The following ANO4 variants were observed in gnomAD, a reference collection of about 807,000 sequenced individuals.
ANO4 encodes the protein anoctamin 4.
ANO4 carries 69 observed loss-of-function variants against 141.9 expected under a neutral mutation model. The observed-to-expected ratio is 0.49, with a 90% CI of 0.40 to 0.59. The LOEUF is 0.59. Ranked by LOEUF, ANO4 falls within the 20% of genes least tolerant of loss-of-function variation. The pLI is 0.00. For missense variants in ANO4, 894 were observed against 1,162.2 expected (o/e 0.77, Z 3.36); for synonymous variants, 350 against 394.3 (o/e 0.89, Z 1.33).
At chr12:100,939,552 G>T (rs762160234) in intron 4 of ANO4, 101 bp downstream of exon 4, 21 of 1,262,952 alleles carry the variant, frequency 1.7e-5, no homozygotes, top group Non-Finnish European at 2.0e-5. Context: ...TCATTGAACT[G>T]TAGGCTCTTG....
At chr12:100,969,946 A>G (rs2043845354) in intron 5 of ANO4, among the ~76,000 whole-genome samples, 1 of 152,180 alleles carries the variant, frequency 6.6e-6, no homozygotes, top group African/African-American at 2.4e-5. Context: ...CCAAAGAGAA[A>G]TCTCCTAATT....
At chr12:100,935,994 G>A (rs1478823422) in intron 3 of ANO4, among the ~76,000 whole-genome samples, 1 of 152,068 alleles carries the variant, frequency 6.6e-6, no homozygotes, top group Non-Finnish European at 1.5e-5. Context: ...TACTGACCAC[G>A]GGTTCAGCTG....
In ANO4 at chr12:100,744,190, G is replaced by A. The variant is rs113313318; in HGVS notation, c.358+4085G>A. 6.1e-3 allele frequency among the ~76,000 whole-genome samples: 928 copies of A among 152,226 alleles called. 14 individuals carry two copies. Among genetic ancestry groups the A allele is most frequent in the African/African-American group, 0.021 (871 of 41,524 alleles). On this transcript the variant is annotated intron_variant, in intron 3 of 29. Coordinates refer to the ANO4 transcript ENST00000644049. ...CATACTATCAAAACTTATATATCCC[G>A]AATGGAACTTCCTTCTGGTAGCTCT... is the stretch of plus-strand genomic sequence containing the variant.
At chr12:100,794,753 A>G (rs1400507334), upstream of ANO4, 2 of 152,148 alleles carry the variant, frequency 1.3e-5, no homozygotes, top group East Asian at 1.9e-4. Flanking sequence ...ATGCTCTGAG[A>G]CGGTGGTGAA....
chr12:100,951,233 C>T (rs1001482519), intron 5 of ANO4, among the ~76,000 whole-genome samples: 5 of 152,142 alleles, frequency 3.3e-5, no homozygotes, highest in Non-Finnish European at 7.3e-5. Flanking sequence ...TTAGACACTG[C>T]TGGTGGGAGT....
At chr12:100,904,794 A>G (rs772672413) in intron 2 of ANO4, among the ~76,000 whole-genome samples, 1 of 152,184 alleles carries the variant, frequency 6.6e-6, no homozygotes, top group Admixed American at 6.5e-5. Context: ...AATATAGACT[A>G]TGGGGAGAAT....
intron 5 of ANO4, among the ~76,000 whole-genome samples, chr12:100,953,264 C>T (rs1399401614): frequency 1.3e-5 from 2 of 152,128 alleles, no homozygotes; most frequent in Non-Finnish European, 2.9e-5. Context: ...ATGAATATGA[C>T]ACTAATTATT....
chr12:100,729,392 G>GAAAAAAA (rs2031289316), intron 1 of ANO4, among the ~76,000 whole-genome samples: 2 of 65,210 alleles, frequency 3.1e-5, no homozygotes, highest in Non-Finnish European at 7.3e-5. Context: ...AAAAAAAAAG[G>GAAAAAAA]TAACACTAAT....
intron 1 of ANO4, among the ~76,000 whole-genome samples, chr12:100,808,320 CT>C (rs1051338114): frequency 4.3e-4 from 66 of 152,206 alleles, no homozygotes; most frequent in African/African-American, 1.5e-3. Flanking sequence ...TGATGTCAAG[CT>C]TTTTTTCATA....
chr12:101,029,839 G>C (rs1293464439), intron 9 of ANO4, among the ~76,000 whole-genome samples: 3 of 140,924 alleles, frequency 2.1e-5, no homozygotes, highest in African/African-American at 2.7e-5. Flanking sequence ...GAGCCCGGGA[G>C]ACAGAGATTG....
At chr12:101,086,153 T>C (rs1427639569) in intron 16 of ANO4, among the ~76,000 whole-genome samples, 1 of 145,316 alleles carries the variant, frequency 6.9e-6, no homozygotes, top group Non-Finnish European at 1.5e-5. Flanking sequence ...GGGTAGGTAT[T>C]ACAGGCAAAG....
At chr12:100,771,505 C>T (rs1206111157) in intron 3 of ANO4, among the ~76,000 whole-genome samples, 1 of 152,176 alleles carries the variant, frequency 6.6e-6, no homozygotes, top group African/African-American at 2.4e-5. Context: ...CATTTTCCCC[C>T]ATGGACTGGT....
intron 5 of ANO4, among the ~76,000 whole-genome samples, chr12:100,953,262 G>C (rs1387451902): frequency 2.6e-5 from 4 of 152,186 alleles, no homozygotes; most frequent in Non-Finnish European, 5.9e-5. Context: ...TCATGAATAT[G>C]ACACTAATTA....
chr12:100,957,337 G>A (rs1159532946), intron 5 of ANO4, among the ~76,000 whole-genome samples: 2 of 152,168 alleles, frequency 1.3e-5, no homozygotes, highest in South Asian at 2.1e-4. Context: ...AGGAACAGGT[G>A]CAGTCTCACC....
At chr12:101,060,690 A>G (rs542748452) in intron 14 of ANO4, among the ~76,000 whole-genome samples, 30 of 152,078 alleles carry the variant, frequency 2.0e-4, no homozygotes, top group African/African-American at 3.1e-4. Context: ...ATCAGAGACT[A>G]TGATTGCAAT....
chr12:100,977,542 C>T (rs1024591743), intron 7 of ANO4, among the ~76,000 whole-genome samples: 11 of 152,096 alleles, frequency 7.2e-5, no homozygotes, highest in Admixed American at 3.3e-4. Flanking sequence ...TAAAAAAAAC[C>T]TAAGGGTCAT....
intron 3 of ANO4, among the ~76,000 whole-genome samples, chr12:100,763,930 A>C (rs1247394763): frequency 6.6e-6 from 1 of 152,056 alleles, no homozygotes; most frequent in African/African-American, 2.4e-5. Flanking sequence ...AAATTTTTAA[A>C]TCAAAGACCA....
chr12:100,851,425 T>C (rs1424749793), intron 1 of ANO4, among the ~76,000 whole-genome samples: 1 of 152,206 alleles, frequency 6.6e-6, no homozygotes, highest in East Asian at 1.9e-4. Flanking sequence ...GTTCTTTCTA[T>C]ATAAACTATA....
chr12:101,114,998 C>T (rs936146879), intron 24 of ANO4, among the ~76,000 whole-genome samples: 1 of 152,080 alleles, frequency 6.6e-6, no homozygotes, highest in African/African-American at 2.4e-5. Context: ...AGCACGATAA[C>T]ATGCAGAACC....
Sources: allele counts gnomAD v4.1 joint callset (sites outside exome capture counted in the v4.1 genomes callset), GRCh38; gene constraint gnomAD v4.1.1; transcripts MANE v1.5; gene names NCBI Gene and HGNC (gene_info 2026-07-23, HGNC 2026-07-21).